The following ABTB2 variants were observed in gnomAD, a reference collection of about 807,000 sequenced individuals.
ABTB2 encodes the protein ankyrin repeat and BTB/POZ domain-containing protein 2.
ABTB2 carries 56 observed loss-of-function variants against 104.1 expected under a neutral mutation model. The ratio of observed to expected loss-of-function variants is 0.54; its 90% CI spans 0.43 to 0.67. ABTB2 has a LOEUF of 0.67. ABTB2 is among the 30% of genes least tolerant of loss of function. The probability of loss-of-function intolerance (pLI) is 0.00; values close to 1 mark genes in which losing one functional copy is unlikely to be tolerated. For missense variants in ABTB2, 1,279 were observed against 1,407.7 expected (o/e 0.91, Z 1.46); for synonymous variants, 606 against 608.2 (o/e 1.00, Z 0.05).
chr11:34,172,229 A>G (rs1852883800), intron 4 of ABTB2, among the ~76,000 whole-genome samples: 2 of 151,448 alleles, frequency 1.3e-5, no homozygotes, highest in African/African-American at 4.9e-5. Context: ...AAAACTACCC[A>G]GACGTGGTGG....
intron 1 of ABTB2, among the ~76,000 whole-genome samples, chr11:34,351,705 G>C (rs908290427): frequency 1.3e-5 from 2 of 152,174 alleles, no homozygotes; most frequent in Admixed American, 1.3e-4. Context: ...GACACCATGA[G>C]AGGTACAGGG....
At chr11:34,268,165 T>C (rs989097615) in intron 1 of ABTB2, among the ~76,000 whole-genome samples, 2 of 152,216 alleles carry the variant, frequency 1.3e-5, no homozygotes, top group African/African-American at 4.8e-5. Context: ...ACTCTTGGGC[T>C]CAAAGTGATC....
In ABTB2 at chr11:34,273,069, A is replaced by G. The variant is rs1396859372; in HGVS notation, c.884-68379T>C. Among the ~76,000 whole-genome samples the G allele has an allele frequency of 3.3e-5, 5 of 152,302 alleles. No homozygotes were observed. The East Asian group carries it at 9.6e-4, about 29-fold the overall frequency. ...TAAACCGTCCTGACATTTAGCAAAC[A>G]TTCCATGATTTTTAGCTTTTTTTAA... On this transcript the variant is annotated intron_variant, in intron 1 of 16. Coordinates refer to ENST00000435224, the MANE Select transcript of ABTB2 (RefSeq NM_145804.3).
Position 34,167,332 on chromosome 11 carries a change from G to T in ABTB2, c.1682C>A (p.Ser561Tyr), listed in dbSNP as rs1383745810. 1 of 1,613,560 alleles carries T rather than the reference G, an allele frequency of 6.2e-7. No individual in the cohort carries two copies. The highest frequency in any genetic ancestry group is 1.7e-4 in the Middle Eastern group (1 of 6,056). ...CCAGTGCCGGCTGTCGGGGTGGATGGAAGGGTGCCTGGGGGAGTTGCTTGG... is the reference window on the plus strand; with the variant it reads ...CCAGTGCCGGCTGTCGGGGTGGATGTAAGGGTGCCTGGGGGAGTTGCTTGG... ...QVPSNSPRHP[S>Y]IHPDSRHWTS... Residue 561 changes from serine (S) to tyrosine (Y), a missense_variant, in exon 7 of 17, where the codon TCC becomes TAC. Physicochemically the swap from Ser to Tyr is moderately radical, Grantham distance 144. Transcript: ENST00000435224.
chr11:34,355,666 G>GC (rs1245397401), intron 1 of ABTB2, among the ~76,000 whole-genome samples: 1 of 152,090 alleles, frequency 6.6e-6, no homozygotes, highest in Non-Finnish European at 1.5e-5. Context: ...ACTGAAAGCT[G>GC]CCCCCCAAAT....
intron 1 of ABTB2, among the ~76,000 whole-genome samples, chr11:34,288,266 C>T (rs1455672245): frequency 1.3e-5 from 2 of 152,196 alleles, no homozygotes; most frequent in Non-Finnish European, 2.9e-5. Flanking sequence ...CTATCATTTA[C>T]ATTTTGCTAT....
chr11:34,291,336 T>C (rs540356200), intron 1 of ABTB2, among the ~76,000 whole-genome samples: 1 of 152,152 alleles, frequency 6.6e-6, no homozygotes, highest in Non-Finnish European at 1.5e-5. Context: ...ACATTCCCAA[T>C]GTGGAGGAGG....
chr11:34,222,514 C>T (rs1259727726), intron 1 of ABTB2, among the ~76,000 whole-genome samples: 1 of 152,172 alleles, frequency 6.6e-6, no homozygotes, highest in Non-Finnish European at 1.5e-5. Flanking sequence ...GGAGCCTCCT[C>T]CTCCACCTGG....
intron 3 of ABTB2, among the ~76,000 whole-genome samples, chr11:34,180,759 T>G (rs953868743): frequency 1.2e-4 from 19 of 152,194 alleles, no homozygotes; most frequent in African/African-American, 4.6e-4. Flanking sequence ...CATAACAGTC[T>G]CTCTCATCTG....
At chr11:34,156,731 T>G (rs1852633694) in intron 14 of ABTB2, among the ~76,000 whole-genome samples, 1 of 151,948 alleles carries the variant, frequency 6.6e-6, no homozygotes. Flanking sequence ...TACATGTTGG[T>G]CAGGCTGGTC....
chr11:34,357,576 C>A lies in ABTB2; in HGVS notation c.8G>T (p.Gly3Val). 6.6e-7 allele frequency: 1 copy of A among 1,516,166 alleles called. No homozygotes were observed. The allele number at this position is 1,516,166 out of a possible 1,614,324, so 93.9% of individuals were successfully genotyped here. ...CGTCTTCAGAGTCGAGCTGTACGTCCCGGCCATGGGGAGCCTGCCGAGGGC... is the reference window on the plus strand; with the variant it reads ...CGTCTTCAGAGTCGAGCTGTACGTCACGGCCATGGGGAGCCTGCCGAGGGC... Reference protein sequence around the residue: MAGTYSSTLKTLE... With the variant: MAVTYSSTLKTLE... The change falls in exon 1 of 17, where the codon GGG becomes GTG. Residue 3 changes from glycine (G) to valine (V), a missense_variant. Transcript: ENST00000435224.
rs1219715196 is a variant in ABTB2, at chr11:34,252,017, C to A, written c.884-47327G>T. On this transcript the variant is annotated intron_variant, in intron 1 of 16. Coordinates refer to ENST00000435224, the MANE Select transcript of ABTB2 (RefSeq NM_145804.3). The surrounding 1 kb of genome is among the most constrained non-coding windows in gnomAD (Gnocchi z 5.5). ...GGGATCTAAGCTGCCAAAGTCAGCC[C>A]CACCCCACTCCCATCCCCTCCACCC... Among the ~76,000 whole-genome samples the A allele has an allele frequency of 2.0e-5, 3 of 152,172 alleles. No homozygotes were observed. The highest frequency in any genetic ancestry group is 7.2e-5 in the African/African-American group (3 of 41,438).
chr11:34,177,731 C>T (rs573542663), intron 3 of ABTB2, among the ~76,000 whole-genome samples: 1 of 152,184 alleles, frequency 6.6e-6, no homozygotes, highest in South Asian at 2.1e-4. Flanking sequence ...CCATGCCTGG[C>T]TAATTTTTTA....
Position 34,318,392 on chromosome 11 carries a change from A to G in ABTB2, c.883+38309T>C, listed in dbSNP as rs146512002. Among the ~76,000 whole-genome samples the G allele has an allele frequency of 8.5e-4, 130 of 152,206 alleles. 1 individual carries two copies. Among genetic ancestry groups the G allele is most frequent in the Middle Eastern group, 3.4e-3 (1 of 294 alleles). ...TTCTGCTTCTGAGTTCAGTTAGGAT[A>G]ATGGCCTCCAGCTCCACCCATGTTA... On this transcript the variant is annotated intron_variant, in intron 1 of 16. Coordinates refer to ENST00000435224, the MANE Select transcript of ABTB2 (RefSeq NM_145804.3).
intron 1 of ABTB2, among the ~76,000 whole-genome samples, chr11:34,312,140 CA>C (rs67673538): frequency 0.081 from 9,048 of 111,038 alleles, 628 homozygotes; most frequent in African/African-American, 0.21. Context: ...GACTCCATCT[CA>C]AAAAAAAAAA....
At chr11:34,266,266 G>C (rs746937149) in intron 1 of ABTB2, among the ~76,000 whole-genome samples, 1 of 152,030 alleles carries the variant, frequency 6.6e-6, no homozygotes, top group Non-Finnish European at 1.5e-5. Flanking sequence ...CATTTTTTTC[G>C]GAAGTATGGG....
At chr11:34,223,008 T>C (rs1312355331) in intron 1 of ABTB2, among the ~76,000 whole-genome samples, 5 of 152,196 alleles carry the variant, frequency 3.3e-5, no homozygotes, top group African/African-American at 9.7e-5. Flanking sequence ...TGACCCTGTG[T>C]ATTTAAACTG....
intron 14 of ABTB2, among the ~76,000 whole-genome samples, chr11:34,156,601 G>A (rs188665752): frequency 3.3e-5 from 5 of 150,598 alleles, no homozygotes; most frequent in Admixed American, 1.3e-4. Flanking sequence ...TCGGCTCACC[G>A]CAACCTCCAC....
At chr11:34,253,942 C>T (rs938513496) in intron 1 of ABTB2, among the ~76,000 whole-genome samples, 2 of 152,088 alleles carry the variant, frequency 1.3e-5, no homozygotes, top group African/African-American at 2.4e-5. Context: ...CAGTGAAGTT[C>T]GTGGGTCTCT....
Sources: gnomAD v4.1 joint callset for allele counts (sites outside exome capture counted in the v4.1 genomes callset) on GRCh38, gnomAD v4.1.1 for gene constraint, Gnocchi (gnomAD v3.1) non-coding constraint, MANE v1.5 for transcripts, NCBI Gene and HGNC (gene_info 2026-07-23, HGNC 2026-07-21) for gene names.